The following NRXN3 variants were observed in gnomAD, a reference collection of about 807,000 sequenced individuals.
The protein encoded by NRXN3 is neurexin 3.
Under a neutral mutation model 137.6 loss-of-function variants are expected in NRXN3, and 32 were observed. The ratio of observed to expected loss-of-function variants is 0.23; its 90% CI spans 0.18 to 0.31. The LOEUF (loss-of-function observed/expected upper bound fraction) is 0.31. Ranked by LOEUF, NRXN3 falls within the 10% of genes least tolerant of loss-of-function variation. The probability of loss-of-function intolerance (pLI) is 1.00; values close to 1 mark genes in which losing one functional copy is unlikely to be tolerated. For synonymous variants in NRXN3, 798 were observed against 784.5 expected, an observed-to-expected ratio of 1.02 and a Z score of -0.29; for missense variants, 1,574 against 2,062.5, an observed-to-expected ratio of 0.76 and a Z score of 4.59.
At chr14:79,351,403 C>T (rs905575138) in intron 15 of NRXN3, among the ~76,000 whole-genome samples, 1 of 152,152 alleles carries the variant, frequency 6.6e-6, no homozygotes, top group African/African-American at 2.4e-5. Context: ...AAGATCTCTT[C>T]CAGATTCAAA....
intron 1 of NRXN3, among the ~76,000 whole-genome samples, chr14:78,186,431 A>G (rs1484677987): frequency 1.3e-5 from 2 of 152,204 alleles, no homozygotes; most frequent in South Asian, 4.1e-4. Flanking sequence ...GTGTACATGC[A>G]TAGCTCCTCT....
intron 15 of NRXN3, among the ~76,000 whole-genome samples, chr14:79,152,633 G>A (rs1310440354): frequency 6.6e-6 from 1 of 151,986 alleles, no homozygotes; most frequent in Non-Finnish European, 1.5e-5. Context: ...AAGAGAGCTT[G>A]TGTAGGGGAA....
At chr14:79,071,675 T>G (rs957802781) in intron 15 of NRXN3, among the ~76,000 whole-genome samples, 1 of 152,128 alleles carries the variant, frequency 6.6e-6, no homozygotes, top group African/African-American at 2.4e-5. Flanking sequence ...CTGGGAAGGT[T>G]AAGGAACTTG....
chr14:79,616,321 G>C (rs904493059), intron 16 of NRXN3, among the ~76,000 whole-genome samples: 1 of 152,054 alleles, frequency 6.6e-6, no homozygotes, highest in African/African-American at 2.4e-5. Context: ...TCTTTAAGGG[G>C]TACATTTGGC....
At chr14:78,357,951 A>G (rs1179473167) in intron 4 of NRXN3, among the ~76,000 whole-genome samples, 4 of 152,160 alleles carry the variant, frequency 2.6e-5, no homozygotes, top group African/African-American at 9.7e-5. Flanking sequence ...AGAGCAAGGT[A>G]TGGTTGCACT....
intron 6 of NRXN3, among the ~76,000 whole-genome samples, chr14:78,672,209 T>C: frequency 6.6e-6 from 1 of 152,210 alleles, no homozygotes; most frequent in East Asian, 1.9e-4. Flanking sequence ...ATTGTGAGCA[T>C]CTCCATCTAA....
intron 2 of NRXN3, 70 bp from the exon 3 acceptor site, chr14:78,278,575 C>T (rs1195488081): frequency 8.4e-7 from 1 of 1,189,468 alleles, no homozygotes; most frequent in Non-Finnish European, 1.2e-6. Context: ...GTGCTGCTAA[C>T]ACTCTTCTTC....
intron 8 of NRXN3, among the ~76,000 whole-genome samples, chr14:78,715,503 C>T (rs1424878041): frequency 1.3e-5 from 2 of 152,210 alleles, no homozygotes; most frequent in African/African-American, 2.4e-5. Context: ...TACAAGCTAA[C>T]TCCTGGGTTA....
At chr14:79,350,215 A>T (rs908354476) in intron 15 of NRXN3, among the ~76,000 whole-genome samples, 1 of 152,242 alleles carries the variant, frequency 6.6e-6, no homozygotes, top group Non-Finnish European at 1.5e-5. Context: ...ACATTCAAGT[A>T]TGCTCTGATT....
intron 15 of NRXN3, among the ~76,000 whole-genome samples, chr14:79,321,084 G>A (rs760635389): frequency 6.6e-6 from 1 of 152,052 alleles, no homozygotes; most frequent in African/African-American, 2.4e-5. Context: ...ATATGCTCAT[G>A]TGTGTTTTAT....
intron 16 of NRXN3, among the ~76,000 whole-genome samples, chr14:79,630,561 A>C (rs1339489186): frequency 2.6e-5 from 4 of 152,210 alleles, no homozygotes; most frequent in Non-Finnish European, 5.9e-5. Context: ...ACCAAAATAC[A>C]CAACATATGT....
intron 10 of NRXN3, among the ~76,000 whole-genome samples, chr14:78,819,312 T>C (rs114279936): frequency 6.6e-6 from 1 of 151,990 alleles, no homozygotes; most frequent in African/African-American, 2.4e-5. Flanking sequence ...CATCTGCAGA[T>C]TCAACTAACA....
At chr14:79,732,062 C>T (rs796617771) in intron 19 of NRXN3, among the ~76,000 whole-genome samples, 57 of 152,158 alleles carry the variant, frequency 3.7e-4, no homozygotes, top group African/African-American at 1.2e-3. Context: ...TGCCATGCAA[C>T]TTCTATTTTT....
intron 6 of NRXN3, among the ~76,000 whole-genome samples, chr14:78,668,930 A>ATCTG (rs58936637): frequency 0.027 from 4,080 of 149,342 alleles, 136 homozygotes; most frequent in East Asian, 0.18. Context: ...CTATCTATCT[A>ATCTG]TCTGTCTGTC....
At chr14:78,248,384 A>G (rs1171005924) in intron 2 of NRXN3, among the ~76,000 whole-genome samples, 51 of 141,192 alleles carry the variant, frequency 3.6e-4, no homozygotes, top group Non-Finnish European at 1.5e-5. Context: ...GCTCAACACC[A>G]CTGTGTGGCC....
intron 15 of NRXN3, among the ~76,000 whole-genome samples, chr14:79,060,147 T>C (rs2099672377): frequency 6.6e-6 from 1 of 152,244 alleles, no homozygotes; most frequent in Non-Finnish European, 1.5e-5. Flanking sequence ...TTAGTGCCTC[T>C]TGGGATACTT....
chr14:79,142,652 G>C (rs2058912223), intron 15 of NRXN3, among the ~76,000 whole-genome samples: 1 of 152,178 alleles, frequency 6.6e-6, no homozygotes, highest in African/African-American at 2.4e-5. Flanking sequence ...GATCGTGTCA[G>C]AGAGAACTAT....
intron 15 of NRXN3, among the ~76,000 whole-genome samples, chr14:79,419,927 A>T (rs2095551595): frequency 6.6e-6 from 1 of 152,102 alleles, no homozygotes; most frequent in African/African-American, 2.4e-5. Flanking sequence ...ATCTGCCAAT[A>T]TAAGAGAAGC....
chr14:79,403,033 A>G (rs1010891249), intron 15 of NRXN3, among the ~76,000 whole-genome samples: 1 of 152,144 alleles, frequency 6.6e-6, no homozygotes, highest in African/African-American at 2.4e-5. Flanking sequence ...AGAGATAAAT[A>G]ATTTGTTGTA....
Sources: allele counts gnomAD v4.1 joint callset (sites outside exome capture counted in the v4.1 genomes callset), GRCh38; gene constraint gnomAD v4.1.1; transcripts MANE v1.5; gene names NCBI Gene and HGNC (gene_info 2026-07-23, HGNC 2026-07-21).